CDC42BPG: variants seen among roughly 807,000 people sequenced by gnomAD.
The protein encoded by CDC42BPG is serine/threonine-protein kinase MRCK gamma.
CDC42BPG carries 157 observed loss-of-function variants against 192.2 expected under a neutral mutation model. That is an observed-to-expected ratio of 0.82 (90% CI 0.72 to 0.93). The LOEUF (loss-of-function observed/expected upper bound fraction) is 0.93, where lower values mean the gene tolerates loss of function less well. Among genes scored for constraint, CDC42BPG ranks in the 40% least tolerant of loss-of-function variants. The pLI, the probability that CDC42BPG is intolerant of heterozygous loss-of-function variation, is 0.00. For synonymous variants in CDC42BPG, 981 were observed against 918.5 expected (o/e 1.07, Z -1.23); for missense variants, 1,992 against 2,122.1 (o/e 0.94, Z 1.20).
At position 64,835,532 on chromosome 11, in the gene CDC42BPG, C is replaced by T. The variant is rs1171806077; in HGVS notation, c.1848G>A (p.Leu616=). Reference sequence around the variant, plus strand: ...TGTGGGCCTGCTCCAGCTGCTCTCGCAGGGCGGCCACCTCCTTCCTCAGTT... The same window carrying T: ...TGTGGGCCTGCTCCAGCTGCTCTCGTAGGGCGGCCACCTCCTTCCTCAGTT... ...EAQLRKEVAA[L]REQLEQAHSH... is the part of the protein sequence containing the mutation. Residue 616 remains leucine, a synonymous_variant, in exon 15 of 37, where the codon CTG becomes CTA. Coordinates refer to ENST00000342711, the MANE Select transcript of CDC42BPG (RefSeq NM_017525.3). 6.3e-7 allele frequency: 1 copy of T among 1,594,524 alleles called. No individual in the cohort carries two copies. The highest frequency in any genetic ancestry group is 1.1e-5 in the South Asian group (1 of 89,608).
At chr11:64,828,278 CTCATTCAT>C (rs10565049) in intron 30 of CDC42BPG, among the ~76,000 whole-genome samples, 2 of 151,754 alleles carry the variant, frequency 1.3e-5, no homozygotes, top group African/African-American at 4.8e-5. Flanking sequence ...GCCCCACTGC[CTCATTCAT>C]TCATTCATTC....
Position 64,830,233 on chromosome 11 carries a change from TG to T in CDC42BPG, c.3327del (p.Thr1110ProfsTer27). 6.2e-7 allele frequency: 1 copy of T among 1,612,004 alleles called. No homozygotes were observed. Among genetic ancestry groups the T allele is most frequent in the Non-Finnish European group, 8.5e-7 (1 of 1,179,098 alleles). On this transcript the variant is annotated frameshift_variant, in exon 29 of 37. Coordinates refer to ENST00000342711, the MANE Select transcript of CDC42BPG (RefSeq NM_017525.3). LOFTEE classifies it high-confidence loss of function. ...TGGATGACAAAGAGCCCCTCCTCGG[TG>T]CCAAGCGCAAGTCGATCCTGGTCTG... The part of the protein sequence containing the change: ...AILDQDRLAL[G>X]TEEGLFVIHL...
chr11:64,834,171 C>A, intron 20 of CDC42BPG, 95 bp downstream of exon 20: 1 of 1,417,354 alleles, frequency 7.1e-7, no homozygotes, highest in South Asian at 1.3e-5. Flanking sequence ...AGACTCCTGT[C>A]TCCACCACCC....
At chr11:64,837,754 G>A (rs563873178) in intron 9 of CDC42BPG, among the ~76,000 whole-genome samples, 43 of 152,296 alleles carry the variant, frequency 2.8e-4, no homozygotes, top group Non-Finnish European at 4.6e-4. Context: ...AAGCCACCAC[G>A]CCTGGTCCAT....
chr11:64,836,618 G>A (rs557369030), intron 11 of CDC42BPG, 88 bp from the exon 12 acceptor site: 4 of 1,346,226 alleles, frequency 3.0e-6, no homozygotes, highest in East Asian at 2.3e-5. Context: ...TTTCCCACAC[G>A]CGGGCTCAGA....
At position 64,836,999 on chromosome 11, in the gene CDC42BPG, G is replaced by C. The variant is rs556426288; in HGVS notation, c.1226C>G (p.Ser409Cys). 3.8e-5 allele frequency: 61 copies of C among 1,613,602 alleles called. No individual in the cohort carries two copies. The South Asian group carries it at 6.3e-4, about 17-fold the overall frequency. The change falls in exon 10 of 37, where the codon TCT becomes TGT. Residue 409 changes from serine to cysteine, a missense_variant. Around this residue, in one of 2 missense-constraint regions of CDC42BPG, gnomAD observed 1,656 missense variants for 1,844.3 expected, o/e 0.90. Transcript: ENST00000342711. ...TSGSHSPESS[S>C]EAWAALERKL... ...CCGCTCCAGGGCAGCCCAAGCCTCA[G>C]AGCTGCTCTCAGGACTGTGACTGTA...
At position 64,836,520 on chromosome 11, in the gene CDC42BPG, C is replaced by T. The variant is rs765552100; in HGVS notation, c.1395G>A (p.Arg465=). ...CCGTCTGGGACAATGAGGCCTTGTC[C>T]CTCAGCATCTCTGCCAGGAAGAGTC... The part of the protein sequence containing the change: ...TLRDRLPEML[R]DKASLSQTDG... Residue 465 remains arginine (R), a synonymous_variant, in exon 12 of 37, where the codon AGG becomes AGA. Transcript: ENST00000342711. The T allele has an allele frequency of 1.2e-6, 2 of 1,613,262 alleles. No individual in the cohort carries two copies. The highest frequency in any genetic ancestry group is 1.7e-6 in the Non-Finnish European group (2 of 1,179,888).
rs1263293407 is a variant in CDC42BPG at position 64,836,147 on chromosome 11, C to A, written c.1638G>T (p.Gln546His). 6.2e-7 allele frequency: 1 copy of A among 1,600,446 alleles called. No individual in the cohort carries two copies. The highest frequency in any genetic ancestry group is 8.5e-7 in the Non-Finnish European group (1 of 1,175,048). The change falls in exon 13 of 37, where the codon CAG becomes CAT. Residue 546 changes from glutamine (Q) to histidine (H), a missense_variant. Physicochemically the swap from Gln to His is conservative, Grantham distance 24. This residue lies in a region of CDC42BPG where 1,656 missense variants were observed against 1,844.3 expected (regional missense o/e 0.90). Coordinates refer to ENST00000342711, the MANE Select transcript of CDC42BPG (RefSeq NM_017525.3). Reference sequence around the variant, plus strand: ...TCTGGGCAGCCCGGGCTTCCTCCAGCTGGGAGCTCAGGGCCCGGGTCTGGC... The same window carrying A: ...TCTGGGCAGCCCGGGCTTCCTCCAGATGGGAGCTCAGGGCCCGGGTCTGGC... Reference protein sequence around the residue: ...TASQTRALSSQLEEARAAQRE... With the variant: ...TASQTRALSSHLEEARAAQRE...
At chr11:64,839,637 G>C in intron 5 of CDC42BPG, 66 bp from the exon 6 acceptor site, 1 of 1,343,792 alleles carries the variant, frequency 7.4e-7, no homozygotes, top group Non-Finnish European at 1.0e-6. Flanking sequence ...TTAGGCACAC[G>C]CCCAGGTGCA....
intron 32 of CDC42BPG, 25 bp downstream of exon 32, chr11:64,827,502 C>G: frequency 6.2e-7 from 1 of 1,609,892 alleles, no homozygotes; most frequent in South Asian, 1.1e-5. Flanking sequence ...GGAACGCACA[C>G]ACCCGTACAC....
chr11:64,831,599 G>T lies in CDC42BPG; in HGVS notation c.3210C>A (p.Asp1070Glu), dbSNP rs545181881. Residue 1070 changes from aspartate to glutamate, a missense_variant, in exon 28 of 37, where the codon GAC (aspartate) becomes GAA (glutamate). By Grantham distance (45) the Asp-to-Glu change is conservative (BLOSUM62 2). Transcript: ENST00000342711. ...VLGELQRLLL[D>E]ARPRPRPVYT... ...ACACGGGCCGGGGTCTTGGCCGCGC[G>T]TCCAGCAGCAGCCGCTGCAGCTCAC... The T allele has an allele frequency of 1.2e-6, 2 of 1,611,952 alleles. No individual in the cohort carries two copies. Among genetic ancestry groups the T allele is most frequent in the Non-Finnish European group, 1.7e-6 (2 of 1,179,856 alleles).
intron 8 of CDC42BPG, 36 bp downstream of exon 8, chr11:64,838,618 G>T: frequency 6.2e-7 from 1 of 1,606,460 alleles, no homozygotes; most frequent in South Asian, 1.1e-5. Context: ...AAGGGGGTAG[G>T]GCAGCTCCCC....
intron 1 of CDC42BPG, among the ~76,000 whole-genome samples, chr11:64,843,413 G>A (rs926340210): frequency 6.6e-6 from 1 of 152,072 alleles, no homozygotes; most frequent in Non-Finnish European, 1.5e-5. Context: ...CACAGAGGCA[G>A]GGGCCTCTGA....
intron 34 of CDC42BPG, 70 bp downstream of exon 34, chr11:64,826,980 G>T: frequency 8.0e-7 from 1 of 1,242,914 alleles, no homozygotes; most frequent in Non-Finnish European, 1.2e-6. Context: ...ATTGGCTAGA[G>T]CTCACCACAG....
At position 64,833,837 on chromosome 11, in the gene CDC42BPG, C is replaced by T. The variant is rs1323159444; in HGVS notation, c.2467-1G>A. On this transcript the variant is annotated splice_acceptor_variant, in intron 21 of 36. Transcript: ENST00000342711. LOFTEE classifies it high-confidence loss of function. ...TGCCAGGGTCCTTGGCAGAATCCTT[C>T]TGGGGGTGGGAGAGAGAGGAGCAAA... is the stretch of plus-strand genomic sequence containing the variant. The T allele has an allele frequency of 3.1e-6, 5 of 1,614,132 alleles. No homozygotes were observed. The South Asian group carries it at 5.5e-5, about 18-fold the overall frequency.
Position 64,832,876 on chromosome 11 carries a change from C to T in CDC42BPG, c.2815G>A (p.Gly939Arg). ...VPPDLLRTALGVHPETGTGTA... is the reference protein window; with the variant it reads ...VPPDLLRTALRVHPETGTGTA... The stretch of plus-strand genomic sequence containing the variant: ...CCTGTGCCTGTTTCGGGGTGTACTC[C>T]CAGGGCTGTGCGGAGGAGGTCAGGG... Residue 939 changes from glycine to arginine, a missense_variant, in exon 25 of 37, where the codon GGA (glycine) becomes AGA (arginine). Physicochemically the swap from Gly to Arg is moderately radical, Grantham distance 125. Coordinates refer to ENST00000342711, the MANE Select transcript of CDC42BPG (RefSeq NM_017525.3). 1 of 1,562,806 alleles carries T rather than the reference C, an allele frequency of 6.4e-7. No homozygotes were observed. The highest frequency in any genetic ancestry group is 8.7e-7 in the Non-Finnish European group (1 of 1,153,772).
At chr11:64,826,068 A>AG (rs1491112400) in intron 36 of CDC42BPG, among the ~76,000 whole-genome samples, 2 of 816 alleles carry the variant, frequency 2.5e-3, no homozygotes, top group Admixed American at 0.045. Flanking sequence ...CTCCATCTGG[A>AG]AAAAAAAAAA....
intron 30 of CDC42BPG, 108 bp downstream of exon 30, chr11:64,829,363 T>G: frequency 7.1e-7 from 1 of 1,416,314 alleles, no homozygotes; most frequent in South Asian, 1.3e-5. Context: ...GGATGCAAAC[T>G]GGCACCAAAG....
At position 64,829,591 on chromosome 11, in the gene CDC42BPG, C is replaced by T. The variant is rs746735742; in HGVS notation, c.3847G>A (p.Val1283Met). 18 of 1,612,082 alleles carry T rather than the reference C, an allele frequency of 1.1e-5. No homozygotes were observed. In the African/African-American group the frequency reaches 1.3e-4, roughly 12 times the overall value. Residue 1283 changes from valine to methionine, a missense_variant, in exon 30 of 37, where the codon GTG becomes ATG. Val to Met is a conservative substitution (Grantham distance 21). This residue lies in a region of CDC42BPG where 1,656 missense variants were observed against 1,844.3 expected (regional missense o/e 0.90). Transcript: ENST00000342711. ...RGGLGEALGAVELSLSEFLLL... is the reference protein window; with the variant it reads ...RGGLGEALGAMELSLSEFLLL... ...AGGAACTCGCTGAGGCTAAGCTCCACGGCACCCAGTGCCTCACCCAGGCCC... is the reference window on the plus strand; with the variant it reads ...AGGAACTCGCTGAGGCTAAGCTCCATGGCACCCAGTGCCTCACCCAGGCCC...
Sources: allele counts gnomAD v4.1 joint callset (sites outside exome capture counted in the v4.1 genomes callset), GRCh38; gene constraint gnomAD v4.1.1; regional missense constraint gnomAD v4.1.1; transcripts MANE v1.5; gene names NCBI Gene and HGNC (gene_info 2026-07-23, HGNC 2026-07-21).